Variants in SDCBP observed in about 807,000 individuals in gnomAD.
The protein encoded by SDCBP is syntenin-1.
In SDCBP, 22 loss-of-function variants were observed where a neutral mutation model predicts 30.5. The ratio of observed to expected loss-of-function variants is 0.72; its 90% CI spans 0.52 to 1.03. The LOEUF (loss-of-function observed/expected upper bound fraction) is 1.03, where lower values mean the gene tolerates loss of function less well. SDCBP is among the 50% of genes least tolerant of loss of function. The pLI is 0.00. For synonymous variants in SDCBP, 103 were observed against 118.7 expected (o/e 0.87, Z 0.86); for missense variants, 304 against 369.9 (o/e 0.82, Z 1.46).
At chr8:58,563,093 A>G (rs2129607542) in intron 1 of SDCBP, among the ~76,000 whole-genome samples, 1 of 152,206 alleles carries the variant, frequency 6.6e-6, no homozygotes, top group East Asian at 1.9e-4. Context: ...TTAAAAAAGT[A>G]TATAAACTTA....
At chr8:58,576,889 CT>C (rs1200257969) in intron 5 of SDCBP, among the ~76,000 whole-genome samples, 1 of 152,178 alleles carries the variant, frequency 6.6e-6, no homozygotes, top group Non-Finnish European at 1.5e-5. Flanking sequence ...GGAGGCTGAT[CT>C]TGGCAGGAGG....
intron 1 of SDCBP, among the ~76,000 whole-genome samples, chr8:58,563,908 C>T (rs954172927): frequency 2.0e-5 from 3 of 152,134 alleles, no homozygotes; most frequent in Non-Finnish European, 4.4e-5. Context: ...GCAGAAGCCA[C>T]GTGAAGGGGT....
At chr8:58,568,336 G>A (rs780992498) in intron 2 of SDCBP, among the ~76,000 whole-genome samples, 1 of 152,066 alleles carries the variant, frequency 6.6e-6, no homozygotes, top group Admixed American at 6.6e-5. Context: ...CAATATCACT[G>A]TCTTCCACCT....
At chr8:58,556,785 G>A (rs1275355604) in intron 1 of SDCBP, among the ~76,000 whole-genome samples, 5 of 149,132 alleles carry the variant, frequency 3.4e-5, no homozygotes, top group Non-Finnish European at 5.9e-5. Context: ...AGGGGGTTGA[G>A]GGACAAATGG....
chr8:58,554,108 G>A (rs958307228), intron 1 of SDCBP, among the ~76,000 whole-genome samples: 25 of 152,174 alleles, frequency 1.6e-4, no homozygotes, highest in Non-Finnish European at 2.8e-4. Flanking sequence ...GTCCATTTTT[G>A]AAAGGAGTTT....
At chr8:58,577,934 G>T (rs1484562682) in intron 5 of SDCBP, 99 bp from the exon 6 acceptor site, 3 of 884,030 alleles carry the variant, frequency 3.4e-6, no homozygotes, top group Non-Finnish European at 5.3e-6. Flanking sequence ...TGTCACTGGG[G>T]TAGAGTTTTC....
intron 5 of SDCBP, among the ~76,000 whole-genome samples, chr8:58,576,698 T>C (rs1401816945): frequency 6.6e-6 from 1 of 152,212 alleles, no homozygotes. Flanking sequence ...ACTGAAGATA[T>C]GAAACAGGGT....
intron 5 of SDCBP, among the ~76,000 whole-genome samples, chr8:58,577,244 T>C (rs932433800): frequency 4.6e-5 from 7 of 152,258 alleles, no homozygotes; most frequent in Non-Finnish European, 8.8e-5. Context: ...AGATGTGTGA[T>C]AGAAATATGT....
At chr8:58,558,215 ATATCT>A (rs903263708) in intron 1 of SDCBP, among the ~76,000 whole-genome samples, 1 of 152,180 alleles carries the variant, frequency 6.6e-6, no homozygotes, top group African/African-American at 2.4e-5. Context: ...GTGTTTAAAG[ATATCT>A]TATTTACTGT....
Position 58,565,005 on chromosome 8 carries a change from CTT to C in SDCBP, c.-15-8_-15-7del. 4 of 1,523,790 alleles carry C rather than the reference CTT, an allele frequency of 2.6e-6. No homozygotes were observed. The highest frequency in any genetic ancestry group is 3.6e-6 in the Non-Finnish European group (4 of 1,107,746). The allele number at this position is 1,523,790 out of a possible 1,614,324, so 94.4% of individuals were successfully genotyped here. ...TATGACATTAGAGTAATAAAACTTT[CTT>C]TTTTTCTTTAGAAGAATCCTGCAAA... On this transcript the variant is annotated splice_polypyrimidine_tract_variant and intron_variant, in intron 1 of 8. Coordinates refer to ENST00000260130, the MANE Select transcript of SDCBP (RefSeq NM_005625.4).
At position 58,570,893 on chromosome 8, in the gene SDCBP, A is replaced by T; in HGVS notation, c.58A>T (p.Thr20Ser). ...LKVDKVIQAQ[T>S]AFSANPANPA... ...TTCTTCTTTTCTTTTTCAGGCTCAA[A>T]CTGCTTTTTCTGCAAACCCTGCCAA... Residue 20 changes from threonine (T) to serine (S), a missense_variant, in exon 3 of 9, where the codon ACT becomes TCT. Physicochemically the swap from Thr to Ser is moderately conservative, Grantham distance 58 (BLOSUM62 1). Coordinates refer to ENST00000260130, the MANE Select transcript of SDCBP (RefSeq NM_005625.4). 1 of 1,612,638 alleles carries T rather than the reference A, an allele frequency of 6.2e-7. No individual in the cohort carries two copies. Among genetic ancestry groups the T allele is most frequent in the Non-Finnish European group, 8.5e-7 (1 of 1,178,996 alleles).
chr8:58,566,752 G>A (rs1456076443), intron 2 of SDCBP, among the ~76,000 whole-genome samples: 2 of 152,058 alleles, frequency 1.3e-5, no homozygotes, highest in Non-Finnish European at 2.9e-5. Context: ...CTCCTGAAAC[G>A]GTATTATGAA....
In SDCBP at chr8:58,581,771, C is replaced by T. The variant is rs137927039; in HGVS notation, c.*31C>T. 3.4e-5 allele frequency: 55 copies of T among 1,595,080 alleles called. No homozygotes were observed. Among genetic ancestry groups the T allele is most frequent in the African/African-American group, 2.5e-4 (19 of 74,612 alleles). On this transcript the variant is annotated 3_prime_UTR_variant, in exon 9 of 9. Coordinates refer to ENST00000260130, the MANE Select transcript of SDCBP (RefSeq NM_005625.4). ...ACGGCACCATGGAAATGTAGCTGAA[C>T]GTCTCCAGTTTCCTTCTTTGGCAAC... is the stretch of plus-strand genomic sequence containing the variant.
rs890809447 is a variant in SDCBP at position 58,570,669 on chromosome 8, T to G, written c.52-218T>G. ...GTAGAATGGTACTTCTACAATTTTT[T>G]TGTGATAGCCTTAAAAGTATTTAGA... On this transcript the variant is annotated intron_variant, in intron 2 of 8. Transcript: ENST00000260130. 3.4e-5 allele frequency: 15 copies of G among 437,620 alleles called. No homozygotes were observed. The Admixed American group carries it at 5.5e-4, about 16-fold the overall frequency. The allele number at this position is 437,620 out of a possible 1,614,324, so 27.1% of individuals were successfully genotyped here.
rs1805733390 is a variant in SDCBP, at chr8:58,582,273, C to T, written c.*533C>T. On this transcript the variant is annotated 3_prime_UTR_variant, in exon 9 of 9. Transcript: ENST00000260130. ...AGCATTAAACAGTGTATGTAGGTTT[C>T]AAGAGATTGTGATGATTCTTAAATT... 6.6e-6 allele frequency: 1 copy of T among 152,606 alleles called. No homozygotes were observed. The highest frequency in any genetic ancestry group is 2.1e-4 in the South Asian group (1 of 4,830). The allele number at this position is 152,606 out of a possible 1,614,324, so 9.5% of individuals were successfully genotyped here.
rs755508910 is a variant in SDCBP at position 58,578,026 on chromosome 8, T to A, written c.403-7T>A. On this transcript the variant is annotated splice_region_variant and splice_polypyrimidine_tract_variant and intron_variant, in intron 5 of 8. Coordinates refer to ENST00000260130, the MANE Select transcript of SDCBP (RefSeq NM_005625.4). ...TAAATGACAAAAATTATTTTCTTATTATCTAGGGTATATTTGTTCAGCTAG... is the reference window on the plus strand; with the variant it reads ...TAAATGACAAAAATTATTTTCTTATAATCTAGGGTATATTTGTTCAGCTAG... 6.2e-7 allele frequency: 1 copy of A among 1,608,046 alleles called. No individual in the cohort carries two copies. Among genetic ancestry groups the A allele is most frequent in the South Asian group, 1.1e-5 (1 of 90,632 alleles).
intron 1 of SDCBP, among the ~76,000 whole-genome samples, chr8:58,553,973 TATG>T (rs1220120729): frequency 6.6e-6 from 1 of 152,172 alleles, no homozygotes; most frequent in African/African-American, 2.4e-5. Context: ...ACCCCTGAGA[TATG>T]ATGACTCAGA....
In SDCBP at chr8:58,566,662, T is replaced by G. The variant is rs371353725; in HGVS notation, c.51+1578T>G. Among the ~76,000 whole-genome samples the G allele has an allele frequency of 1.1e-4, 16 of 152,132 alleles. No individual in the cohort carries two copies. The East Asian group carries it at 2.9e-3, about 27-fold the overall frequency. Reference sequence around the variant, plus strand: ...ATTTAGCCATTAAACTCTTTGGCTGTTTTTGTTTTGTTTTGTTTTGTTTTT... The same window carrying G: ...ATTTAGCCATTAAACTCTTTGGCTGGTTTTGTTTTGTTTTGTTTTGTTTTT... On this transcript the variant is annotated intron_variant, in intron 2 of 8. Transcript: ENST00000260130.
chr8:58,579,809 TTGTGCCA>T lies in SDCBP; in HGVS notation c.750+19_750+25del, dbSNP rs781118374. ...TTGGATTGAAGGTAAGGAACAGACT[TTGTGCCA>T]TGTTCTGCTGCAGTTTTAGAAAATG... On this transcript the variant is annotated intron_variant, in intron 7 of 8. Coordinates refer to ENST00000260130, the MANE Select transcript of SDCBP (RefSeq NM_005625.4). 5.6e-5 allele frequency: 88 copies of T among 1,566,750 alleles called. No homozygotes were observed. The highest frequency in any genetic ancestry group is 7.1e-5 in the Non-Finnish European group (82 of 1,156,028).
Sources: gnomAD v4.1 joint callset for allele counts (sites outside exome capture counted in the v4.1 genomes callset) on GRCh38, gnomAD v4.1.1 for gene constraint, MANE v1.5 for transcripts, NCBI Gene and HGNC (gene_info 2026-07-23, HGNC 2026-07-21) for gene names.